DNAAF9: variants seen among roughly 807,000 people sequenced by gnomAD.
DNAAF9 encodes shulin.
A neutral mutation model predicts 167.0 loss-of-function variants in DNAAF9; 90 were observed. The observed-to-expected ratio is 0.54, with a 90% CI of 0.45 to 0.64. DNAAF9 has a LOEUF of 0.64. Ranked by LOEUF, DNAAF9 falls within the 30% of genes least tolerant of loss-of-function variation. DNAAF9 has a pLI of 0.00. For synonymous variants in DNAAF9, 491 were observed against 508.8 expected, an observed-to-expected ratio of 0.96 and a Z score of 0.47; for missense variants, 1,315 against 1,442.2, an observed-to-expected ratio of 0.91 and a Z score of 1.43.
At chr20:3,281,080 G>GT (rs1568575176) in intron 28 of DNAAF9, among the ~76,000 whole-genome samples, 2 of 151,954 alleles carry the variant, frequency 1.3e-5, no homozygotes, top group African/African-American at 2.4e-5. Flanking sequence ...CCAGGCTGGG[G>GT]TGCAGTGGCA....
chr20:3,343,587 G>A lies in DNAAF9; in HGVS notation c.845+89C>T, dbSNP rs535103910. On this transcript the variant is annotated intron_variant, in intron 9 of 36. Transcript: ENST00000252032. ...CCATATTTTCCTGACTCTAGCTTCT[G>A]AACTTGAATGCACCCCCACAGCCAA... 77 of 925,360 alleles carry A rather than the reference G, an allele frequency of 8.3e-5. No individual in the cohort carries two copies. The African/African-American group carries it at 1.2e-3, about 14-fold the overall frequency. The allele number at this position is 925,360 out of a possible 1,614,324, so 57.3% of individuals were successfully genotyped here.
intron 1 of DNAAF9, among the ~76,000 whole-genome samples, chr20:3,407,210 G>A (rs1029892011): frequency 6.6e-6 from 1 of 152,156 alleles, no homozygotes; most frequent in African/African-American, 2.4e-5. Flanking sequence ...CTGTCCCTAG[G>A]GAAGCCATTG....
chr20:3,267,186 A>G (rs923152634), intron 30 of DNAAF9, among the ~76,000 whole-genome samples: 1 of 152,154 alleles, frequency 6.6e-6, no homozygotes, highest in Non-Finnish European at 1.5e-5. Context: ...GTGGACACAC[A>G]TTTTATTCCA....
chr20:3,343,616 C>A, intron 9 of DNAAF9, 60 bp downstream of exon 9: 1 of 1,396,650 alleles, frequency 7.2e-7, no homozygotes, highest in South Asian at 1.2e-5. Context: ...CAGCCAACCC[C>A]TTTGCCACCT....
chr20:3,344,647 T>C (rs2070160096), intron 8 of DNAAF9, among the ~76,000 whole-genome samples: 1 of 149,844 alleles, frequency 6.7e-6, no homozygotes, highest in Non-Finnish European at 1.5e-5. Context: ...ACACCTCATG[T>C]AGTGAACTTA....
intron 29 of DNAAF9, among the ~76,000 whole-genome samples, chr20:3,273,825 G>A (rs1471529369): frequency 6.6e-6 from 1 of 152,154 alleles, no homozygotes. Context: ...TCCCTGCCCT[G>A]GAGGCAACTG....
intron 29 of DNAAF9, among the ~76,000 whole-genome samples, chr20:3,272,816 A>AT (rs1053952374): frequency 6.6e-6 from 1 of 152,020 alleles, no homozygotes; most frequent in Non-Finnish European, 1.5e-5. Context: ...TAGTTTAATT[A>AT]TTTTTTTATT....
At chr20:3,396,073 G>A (rs765568657) in intron 1 of DNAAF9, among the ~76,000 whole-genome samples, 22 of 152,354 alleles carry the variant, frequency 1.4e-4, no homozygotes, top group Middle Eastern at 3.4e-3. Context: ...CTGCTGCCAT[G>A]TGAGATGTGC....
At chr20:3,356,440 T>C (rs1452653421) in intron 7 of DNAAF9, among the ~76,000 whole-genome samples, 1 of 152,236 alleles carries the variant, frequency 6.6e-6, no homozygotes, top group Non-Finnish European at 1.5e-5. Flanking sequence ...CTTTTTTCAA[T>C]TGGTTATTTT....
chr20:3,361,577 G>C (rs1600857108), intron 6 of DNAAF9, among the ~76,000 whole-genome samples: 1 of 152,168 alleles, frequency 6.6e-6, no homozygotes, highest in African/African-American at 2.4e-5. Context: ...TCACAGTTGA[G>C]TTAGATGTGC....
At chr20:3,354,437 C>T (rs1423682691) in intron 7 of DNAAF9, among the ~76,000 whole-genome samples, 3 of 152,218 alleles carry the variant, frequency 2.0e-5, no homozygotes, top group Non-Finnish European at 4.4e-5. Context: ...TCAAACAGAA[C>T]TCCTGGCTCT....
rs1202533542 is a variant in DNAAF9 at position 3,249,431 on chromosome 20, T to C, written c.*3141A>G. 1 of 152,260 alleles carries C rather than the reference T, an allele frequency of 6.6e-6. No individual in the cohort carries two copies. Among genetic ancestry groups the C allele is most frequent in the Non-Finnish European group, 1.5e-5 (1 of 68,046 alleles). The allele number at this position is 152,260 out of a possible 1,614,324, so 9.4% of individuals were successfully genotyped here. A position where few individuals can be genotyped will look rare whatever the true frequency, so the allele number is the denominator to read the frequency against. On this transcript the variant is annotated 3_prime_UTR_variant, in exon 37 of 37. Coordinates refer to ENST00000252032, the MANE Select transcript of DNAAF9 (RefSeq NM_001009984.3). Reference sequence around the variant, plus strand: ...ATAAATTGAAGGCTACTTTTATATATTTACTGAATTAAGTAGTGTAATAAA... The same window carrying C: ...ATAAATTGAAGGCTACTTTTATATACTTACTGAATTAAGTAGTGTAATAAA...
intron 9 of DNAAF9, among the ~76,000 whole-genome samples, chr20:3,341,917 G>A (rs993788619): frequency 6.6e-6 from 1 of 152,018 alleles, no homozygotes. Flanking sequence ...AGCTGGGACT[G>A]CAGGCACCCG....
At chr20:3,311,083 A>C (rs958832656) in intron 20 of DNAAF9, among the ~76,000 whole-genome samples, 1 of 152,228 alleles carries the variant, frequency 6.6e-6, no homozygotes, top group African/African-American at 2.4e-5. Flanking sequence ...GTGGACCAAG[A>C]GACATGCACA....
intron 31 of DNAAF9, among the ~76,000 whole-genome samples, chr20:3,263,193 C>A (rs1456768165): frequency 3.3e-5 from 5 of 152,034 alleles, no homozygotes; most frequent in Admixed American, 3.3e-4. Context: ...CCAGGATGGT[C>A]TCGATCTTCT....
chr20:3,265,133 A>G (rs1161672124), intron 30 of DNAAF9, among the ~76,000 whole-genome samples: 1 of 152,144 alleles, frequency 6.6e-6, no homozygotes, highest in Non-Finnish European at 1.5e-5. Flanking sequence ...CCCAGCCCAG[A>G]TGTACTGAAC....
chr20:3,314,929 T>C (rs1003268726), intron 20 of DNAAF9, 104 bp downstream of exon 20: 20 of 712,990 alleles, frequency 2.8e-5, no homozygotes, highest in South Asian at 8.4e-5. Context: ...TGTACCACAA[T>C]TGTGTTCAAA....
At chr20:3,269,296 A>C (rs2068549170) in intron 30 of DNAAF9, among the ~76,000 whole-genome samples, 1 of 151,308 alleles carries the variant, frequency 6.6e-6, no homozygotes, top group Admixed American at 6.6e-5. Flanking sequence ...TATAACCCTA[A>C]ACTCCTGGGC....
intron 32 of DNAAF9, 138 bp downstream of exon 32, chr20:3,259,784 T>C: frequency 1.5e-6 from 1 of 678,616 alleles, no homozygotes; most frequent in South Asian, 1.8e-5. Context: ...CCCACAATCC[T>C]CAAATCCCTC....
Sources: gnomAD v4.1 joint callset for allele counts (sites outside exome capture counted in the v4.1 genomes callset) on GRCh38, gnomAD v4.1.1 for gene constraint, MANE v1.5 for transcripts, NCBI Gene and HGNC (gene_info 2026-07-23, HGNC 2026-07-21) for gene names.